BBLN: variants seen among roughly 807,000 people sequenced by gnomAD.
BBLN encodes the protein bublin coiled-coil protein.
In BBLN, 6 loss-of-function variants were observed where a neutral mutation model predicts 7.6. The observed-to-expected ratio is 0.79, with a 90% CI of 0.43 to 1.55. The LOEUF (loss-of-function observed/expected upper bound fraction) is 1.55. BBLN is among the 40% of genes most tolerant of loss of function. The probability of loss-of-function intolerance (pLI) is 0.01; values close to 1 mark genes in which losing one functional copy is unlikely to be tolerated. For missense variants in BBLN, 100 were observed against 111.1 expected (o/e 0.90, Z 0.45); for synonymous variants, 35 against 46.7 (o/e 0.75, Z 1.02).
Position 128,160,342 on chromosome 9 carries a change from CCGGCTTTCGGCG to C in BBLN, c.-63_-52del, listed in dbSNP as rs1829240568. Reference sequence around the variant, plus strand: ...CGCCGCCTCCACCTTCCATCCGGCGCCGGCTTTCGGCGCGACGGTCGCCGCGTTCCATCGTCG... The same window carrying C: ...CGCCGCCTCCACCTTCCATCCGGCGCCGACGGTCGCCGCGTTCCATCGTCG... On this transcript the variant is annotated 5_prime_UTR_variant, in exon 1 of 2. Transcript: ENST00000372994. 1.1e-5 allele frequency: 11 copies of C among 998,592 alleles called. No individual in the cohort carries two copies. The highest frequency in any genetic ancestry group is 1.3e-5 in the Non-Finnish European group (10 of 770,126). The allele number at this position is 998,592 out of a possible 1,614,324, so 61.9% of individuals were successfully genotyped here.
chr9:128,161,281 T>TTTAA (rs10635315), intron 1 of BBLN, among the ~76,000 whole-genome samples: 139,629 of 152,082 alleles, frequency 0.92, 65,260 homozygotes, highest in East Asian at 1. Flanking sequence ...AACTTACCCA[T>TTTAA]ACTGTACAGT....
intron 1 of BBLN, among the ~76,000 whole-genome samples, chr9:128,161,819 C>T (rs58153063): frequency 0.083 from 12,602 of 151,624 alleles, 921 homozygotes; most frequent in East Asian, 0.44. Context: ...TTTTATACAT[C>T]TTTAGTAGAG....
chr9:128,161,994 T>G (rs567287599), intron 1 of BBLN: 44 of 152,316 alleles, frequency 2.9e-4, no homozygotes, highest in African/African-American at 7.9e-4. Flanking sequence ...TTATTTTCCC[T>G]TTTTTCCAGA....
rs1829240411 is a variant in BBLN at position 128,160,330 on chromosome 9, T to G, written c.-78T>G. On this transcript the variant is annotated 5_prime_UTR_variant, in exon 1 of 2. Coordinates refer to ENST00000372994, the MANE Select transcript of BBLN (RefSeq NM_024112.4). ...CCGTGTTCTATCCGCCGCCTCCACCTTCCATCCGGCGCCGGCTTTCGGCGC... is the reference window on the plus strand; with the variant it reads ...CCGTGTTCTATCCGCCGCCTCCACCGTCCATCCGGCGCCGGCTTTCGGCGC... 3.3e-5 allele frequency: 28 copies of G among 851,428 alleles called. No individual in the cohort carries two copies. In the East Asian group the frequency reaches 9.3e-4, roughly 28 times the overall value. 52.7% of individuals were successfully genotyped at this position (851,428 alleles called of 1,614,324 possible). A position where few individuals can be genotyped will look rare whatever the true frequency, so the allele number is the denominator to read the frequency against.
In BBLN at chr9:128,163,112, C is replaced by T. The variant is rs1175319416; in HGVS notation, c.80-331C>T. Among the ~76,000 whole-genome samples the T allele has an allele frequency of 1.3e-5, 2 of 152,158 alleles. No homozygotes were observed. The highest frequency in any genetic ancestry group is 2.9e-5 in the Non-Finnish European group (2 of 68,016). On this transcript the variant is annotated intron_variant, in intron 1 of 1. Transcript: ENST00000372994. The surrounding 1 kb of genome is among the most constrained non-coding windows in gnomAD (Gnocchi z 5.7). ...GGGGACAGAGGCCTTGAATGCCCAACTCAGGAATGTGGGCTCTGGCCACTA... is the reference window on the plus strand; with the variant it reads ...GGGGACAGAGGCCTTGAATGCCCAATTCAGGAATGTGGGCTCTGGCCACTA...
In BBLN at chr9:128,160,314, A is replaced by C; in HGVS notation, c.-94A>C. ...GTTCTACCCTTCCGGCCCGTGTTCT[A>C]TCCGCCGCCTCCACCTTCCATCCGG... On this transcript the variant is annotated 5_prime_UTR_variant, in exon 1 of 2. Coordinates refer to ENST00000372994, the MANE Select transcript of BBLN (RefSeq NM_024112.4). 1.5e-6 allele frequency: 1 copy of C among 671,564 alleles called. No individual in the cohort carries two copies. 41.6% of individuals were successfully genotyped at this position (671,564 alleles called of 1,614,324 possible).
intron 1 of BBLN, among the ~76,000 whole-genome samples, chr9:128,161,062 C>G (rs907284528): frequency 1.6e-5 from 2 of 123,820 alleles, no homozygotes; most frequent in African/African-American, 6.1e-5. Flanking sequence ...GTGTCTGCTG[C>G]ACTGGGATGT....
Position 128,163,537 on chromosome 9 carries a change from G to A in BBLN, c.174G>A (p.Glu58=). 1.2e-6 allele frequency: 2 copies of A among 1,611,668 alleles called. No homozygotes were observed. Among genetic ancestry groups the A allele is most frequent in the Non-Finnish European group, 1.7e-6 (2 of 1,178,740 alleles). ...KNDHLHARLQ[E]LLESNRQTRL... is the part of the protein sequence containing the mutation. ...ACCACCTCCACGCCCGCCTCCAGGA[G>A]CTGCTGGAGTCCAACCGGCAGACAC... The change falls in exon 2 of 2, where the codon GAG becomes GAA. Residue 58 remains glutamate, a synonymous_variant. Coordinates refer to ENST00000372994, the MANE Select transcript of BBLN (RefSeq NM_024112.4). This position sits in a 1 kb window ranked among gnomAD's most constrained non-coding sequence, Gnocchi z 5.7.
At position 128,160,399 on chromosome 9, in the gene BBLN, G is replaced by T; in HGVS notation, c.-9G>T. 1 of 1,253,040 alleles carries T rather than the reference G, an allele frequency of 8.0e-7. No individual in the cohort carries two copies. Among genetic ancestry groups the T allele is most frequent in the Non-Finnish European group, 1.0e-6 (1 of 992,526 alleles). The allele number at this position is 1,253,040 out of a possible 1,614,324, so 77.6% of individuals were successfully genotyped here. A position where few individuals can be genotyped will look rare whatever the true frequency, so the allele number is the denominator to read the frequency against. On this transcript the variant is annotated 5_prime_UTR_variant, in exon 1 of 2. Coordinates refer to ENST00000372994, the MANE Select transcript of BBLN (RefSeq NM_024112.4). The stretch of plus-strand genomic sequence containing the variant: ...TCGTCGCGCGGCCCTTCGGGCGCCC[G>T]AGCCCGCAATGTCGGGCCCCAACGG...
At position 128,163,371 on chromosome 9, in the gene BBLN, C is replaced by G; in HGVS notation, c.80-72C>G. On this transcript the variant is annotated intron_variant, in intron 1 of 1. Transcript: ENST00000372994. This position sits in a 1 kb window ranked among gnomAD's most constrained non-coding sequence, Gnocchi z 5.7. Reference sequence around the variant, plus strand: ...GCCCTTTGGGAAGCAGGCTGGGAAACAGTGGAGGGAGGGTGTCCATTAGCC... The same window carrying G: ...GCCCTTTGGGAAGCAGGCTGGGAAAGAGTGGAGGGAGGGTGTCCATTAGCC... 7.3e-7 allele frequency: 1 copy of G among 1,374,986 alleles called. No individual in the cohort carries two copies. The highest frequency in any genetic ancestry group is 1.5e-5 in the South Asian group (1 of 64,888). 85.2% of individuals were successfully genotyped at this position (1,374,986 alleles called of 1,614,324 possible). A position where few individuals can be genotyped will look rare whatever the true frequency, so the allele number is the denominator to read the frequency against.
rs1829276500 is a variant in BBLN, at chr9:128,163,543, G to A, written c.180G>A (p.Leu60=). 6.2e-7 allele frequency: 1 copy of A among 1,611,096 alleles called. No individual in the cohort carries two copies. Among genetic ancestry groups the A allele is most frequent in the Admixed American group, 1.7e-5 (1 of 59,712 alleles). ...DHLHARLQEL[L]ESNRQTRLEF... The stretch of plus-strand genomic sequence containing the variant: ...TCCACGCCCGCCTCCAGGAGCTGCT[G>A]GAGTCCAACCGGCAGACACGCCTGG... The change falls in exon 2 of 2, where the codon CTG becomes CTA. Residue 60 remains leucine (L), a synonymous_variant. Transcript: ENST00000372994. The surrounding 1 kb of genome is among the most constrained non-coding windows in gnomAD (Gnocchi z 5.7).
rs1430550244 is a variant in BBLN at position 128,163,782 on chromosome 9, C to G, written c.*167C>G. 5 of 592,578 alleles carry G rather than the reference C, an allele frequency of 8.4e-6. No homozygotes were observed. In the East Asian group the frequency reaches 1.6e-4, roughly 19 times the overall value. The allele number at this position is 592,578 out of a possible 1,614,324, so 36.7% of individuals were successfully genotyped here. On this transcript the variant is annotated 3_prime_UTR_variant, in exon 2 of 2. Coordinates refer to ENST00000372994, the MANE Select transcript of BBLN (RefSeq NM_024112.4). The surrounding 1 kb of genome is among the most constrained non-coding windows in gnomAD (Gnocchi z 5.7). ...CCTGCCTGGGCCTCCCCTTGGCCTA[C>G]CTGGGCCAGCCCCCACCACCTGGCA...
chr9:128,160,815 G>A (rs1441384215), intron 1 of BBLN, among the ~76,000 whole-genome samples: 3 of 152,248 alleles, frequency 2.0e-5, no homozygotes, highest in African/African-American at 7.2e-5. Context: ...GAGCTTAGCG[G>A]AGGGGCCGGG....
At chr9:128,161,584 G>A (rs1564228463) in intron 1 of BBLN, among the ~76,000 whole-genome samples, 2 of 151,958 alleles carry the variant, frequency 1.3e-5, no homozygotes, top group Non-Finnish European at 2.9e-5. Flanking sequence ...CACAGAGTTC[G>A]AAATATTGAT....
At position 128,163,558 on chromosome 9, in the gene BBLN, G is replaced by C. The variant is rs974401009; in HGVS notation, c.195G>C (p.Gln65His). The part of the protein sequence containing the change: ...RLQELLESNR[Q>H]TRLEFQQQLG... Reference sequence around the variant, plus strand: ...AGGAGCTGCTGGAGTCCAACCGGCAGACACGCCTGGAGTTCCAGCAGCAGC... The same window carrying C: ...AGGAGCTGCTGGAGTCCAACCGGCACACACGCCTGGAGTTCCAGCAGCAGC... The change falls in exon 2 of 2, where the codon CAG (glutamine) becomes CAC (histidine). Residue 65 changes from glutamine (Q) to histidine (H), a missense_variant. Transcript: ENST00000372994. This position sits in a 1 kb window ranked among gnomAD's most constrained non-coding sequence, Gnocchi z 5.7. The C allele has an allele frequency of 9.3e-6, 15 of 1,607,058 alleles. No individual in the cohort carries two copies. In the Admixed American group the frequency reaches 1.2e-4, roughly 13 times the overall value.
chr9:128,163,251 A>T lies in BBLN; in HGVS notation c.80-192A>T, dbSNP rs1339009819. On this transcript the variant is annotated intron_variant, in intron 1 of 1. Transcript: ENST00000372994. This position sits in a 1 kb window ranked among gnomAD's most constrained non-coding sequence, Gnocchi z 5.7. ...CCTAGAAAAAAGGATGCAGTACTAA[A>T]GTGTCATTCATTCAAAGCCACTCCT... 6.6e-6 allele frequency among the ~76,000 whole-genome samples: 1 copy of T among 152,208 alleles called. No individual in the cohort carries two copies. Among genetic ancestry groups the T allele is most frequent in the East Asian group, 1.9e-4 (1 of 5,196 alleles).
intron 1 of BBLN, 43 bp downstream of exon 1, chr9:128,160,529 C>A: frequency 2.5e-6 from 3 of 1,194,956 alleles, no homozygotes; most frequent in East Asian, 3.2e-5. Flanking sequence ...ATTTTCAGGG[C>A]TGCCCTCCCG....
intron 1 of BBLN, among the ~76,000 whole-genome samples, chr9:128,161,562 T>C (rs906495705): frequency 3.3e-5 from 5 of 152,088 alleles, no homozygotes; most frequent in Non-Finnish European, 7.3e-5. Context: ...CCTCCTAGCC[T>C]GTATCCCAGG....
Position 128,160,488 on chromosome 9 carries a change from T to C in BBLN, c.79+2T>C. On this transcript the variant is annotated splice_donor_variant, in intron 1 of 1. Coordinates refer to ENST00000372994, the MANE Select transcript of BBLN (RefSeq NM_024112.4). LOFTEE classifies it high-confidence loss of function. ...AGGAGGACGGCTTCGGGGAAGCAGG[T>C]GACCCGAGGGGGCTGCTGGAGCAAC... The C allele has an allele frequency of 7.9e-7, 1 of 1,273,868 alleles. No individual in the cohort carries two copies. Among genetic ancestry groups the C allele is most frequent in the Admixed American group, 4.1e-5 (1 of 24,104 alleles). 78.9% of individuals were successfully genotyped at this position (1,273,868 alleles called of 1,614,324 possible).
Sources: gnomAD v4.1 joint callset for allele counts (sites outside exome capture counted in the v4.1 genomes callset) on GRCh38, gnomAD v4.1.1 for gene constraint, Gnocchi (gnomAD v3.1) non-coding constraint, MANE v1.5 for transcripts, NCBI Gene and HGNC (gene_info 2026-07-23, HGNC 2026-07-21) for gene names.